Variants in GREB1 observed in about 807,000 individuals in gnomAD.
GREB1 encodes the protein protein GREB1.
A neutral mutation model predicts 200.7 loss-of-function variants in GREB1; 106 were observed. The observed-to-expected ratio is 0.53, with a 90% CI of 0.45 to 0.62. The LOEUF is 0.62. Among genes scored for constraint, GREB1 ranks in the 20% least tolerant of loss-of-function variants. GREB1 has a pLI of 0.00. For synonymous variants in GREB1, 1,132 were observed against 1,092.4 expected (o/e 1.04, Z -0.72); for missense variants, 2,243 against 2,556.8 (o/e 0.88, Z 2.65).
intron 1 of GREB1, among the ~76,000 whole-genome samples, chr2:11,526,657 G>A (rs10929752): frequency 0.06 from 9,087 of 151,504 alleles, 332 homozygotes; most frequent in East Asian, 0.14. Context: ...CCAGGTTCAA[G>A]TGATTCTCCT....
intron 19 of GREB1, among the ~76,000 whole-genome samples, chr2:11,614,861 T>C (rs767862024): frequency 8.5e-5 from 13 of 152,210 alleles, no homozygotes; most frequent in Non-Finnish European, 1.6e-4. Context: ...ACCCAAAAGT[T>C]AGTGCAGCAC....
In GREB1 at chr2:11,596,775, G is replaced by A. The variant is rs1272085375; in HGVS notation, c.1954+536G>A. Among the ~76,000 whole-genome samples, 6 of 130,376 alleles carry A rather than the reference G, an allele frequency of 4.6e-5. No homozygotes were observed. In the East Asian group the frequency reaches 1.4e-3, roughly 31 times the overall value. The allele number at this position is 130,376 out of a possible 152,430, so 85.5% of individuals were successfully genotyped here. ...GTGGGGGCGCAGGTGTACACAGTGA[G>A]GGGGGTGGGGCACTGGTGTGTAAAG... On this transcript the variant is annotated intron_variant, in intron 13 of 32. Transcript: ENST00000381486.
intron 1 of GREB1, among the ~76,000 whole-genome samples, chr2:11,494,110 G>T (rs1372194679): frequency 6.6e-6 from 1 of 152,244 alleles, no homozygotes; most frequent in Admixed American, 6.5e-5. Flanking sequence ...CTAAGGACTT[G>T]CCCAGGGTTG....
intron 1 of GREB1, among the ~76,000 whole-genome samples, chr2:11,554,129 G>A (rs1676204136): frequency 6.6e-6 from 1 of 152,116 alleles, no homozygotes; most frequent in African/African-American, 2.4e-5. Flanking sequence ...GCAGACAAGA[G>A]GACCCTGCAA....
At chr2:11,621,562 C>A (rs1684017021) in intron 23 of GREB1, among the ~76,000 whole-genome samples, 1 of 152,178 alleles carries the variant, frequency 6.6e-6, no homozygotes, top group Non-Finnish European at 1.5e-5. Context: ...TTGAGCACCC[C>A]TTTTGTGCTC....
At chr2:11,571,343 G>A (rs1329761167) in intron 4 of GREB1, among the ~76,000 whole-genome samples, 1 of 152,134 alleles carries the variant, frequency 6.6e-6, no homozygotes, top group South Asian at 2.1e-4. Context: ...CACTTGCCAG[G>A]ATGTCTTCCT....
chr2:11,501,585 C>G (rs10183402), intron 1 of GREB1, among the ~76,000 whole-genome samples: 149,213 of 152,140 alleles, frequency 0.98, 73,204 homozygotes, highest in South Asian at 1. Context: ...GTAGAGACGG[C>G]GTTTCACTTT....
intron 21 of GREB1, among the ~76,000 whole-genome samples, chr2:11,617,021 G>A (rs1683464388): frequency 6.6e-6 from 1 of 152,210 alleles, no homozygotes; most frequent in Non-Finnish European, 1.5e-5. Context: ...GCCGTGTTAG[G>A]GGCGGGTCCC....
chr2:11,506,993 T>A (rs375500840), intron 1 of GREB1, among the ~76,000 whole-genome samples: 1 of 152,130 alleles, frequency 6.6e-6, no homozygotes, highest in Non-Finnish European at 1.5e-5. Flanking sequence ...GATTTTGATA[T>A]AGAATTACAA....
intron 9 of GREB1, chr2:11,588,337 G>C: frequency 9.1e-7 from 1 of 1,094,396 alleles, no homozygotes; most frequent in South Asian, 2.1e-5. Context: ...CTCCCTGCTT[G>C]GAGTCAGGGA....
intron 1 of GREB1, among the ~76,000 whole-genome samples, chr2:11,491,274 A>T (rs907390283): frequency 1.3e-5 from 2 of 152,206 alleles, no homozygotes; most frequent in Non-Finnish European, 2.9e-5. Context: ...TACTGTTTTC[A>T]TGATTTAGAA....
intron 1 of GREB1, among the ~76,000 whole-genome samples, chr2:11,502,219 C>CTTT (rs1202858524): frequency 1.6e-5 from 2 of 129,030 alleles, no homozygotes; most frequent in Non-Finnish European, 1.7e-5. Flanking sequence ...GCCTGGCCCT[C>CTTT]TTTTTTTTTT....
intron 1 of GREB1, among the ~76,000 whole-genome samples, chr2:11,508,936 G>A (rs1345677747): frequency 6.7e-6 from 1 of 148,570 alleles, no homozygotes; most frequent in Non-Finnish European, 1.5e-5. Context: ...GTGCAGTGGC[G>A]CGATCTCGGC....
At chr2:11,504,374 G>A (rs1226196251) in intron 1 of GREB1, among the ~76,000 whole-genome samples, 1 of 152,194 alleles carries the variant, frequency 6.6e-6, no homozygotes, top group African/African-American at 2.4e-5. Context: ...CTGTGGATGA[G>A]GGTCTTCAAA....
rs1680028289 is a variant in GREB1 at position 11,585,825 on chromosome 2, C to T, written c.1079C>T (p.Pro360Leu). ...GTGGGACCAGCTTCAGTCACCTTTCCAGTGGTGGCCTCTGGAGAACCAGTG... is the reference window on the plus strand; with the variant it reads ...GTGGGACCAGCTTCAGTCACCTTTCTAGTGGTGGCCTCTGGAGAACCAGTG... Reference protein sequence around the residue: ...GLVGPASVTFPVVASGEPVSV... With the variant: ...GLVGPASVTFLVVASGEPVSV... Residue 360 changes from proline to leucine, a missense_variant, in exon 9 of 33, where the codon CCA becomes CTA. Pro to Leu is a moderately conservative substitution (Grantham distance 98). Transcript: ENST00000381486. 3.1e-6 allele frequency: 5 copies of T among 1,613,738 alleles called. No homozygotes were observed. The South Asian group carries it at 3.3e-5, about 11-fold the overall frequency.
At chr2:11,489,000 C>CCATA (rs1207497533) in intron 1 of GREB1, among the ~76,000 whole-genome samples, 2 of 151,948 alleles carry the variant, frequency 1.3e-5, no homozygotes, top group African/African-American at 4.8e-5. Flanking sequence ...TTTTGGTCAC[C>CCATA]CTTGTATCCC....
intron 1 of GREB1, among the ~76,000 whole-genome samples, chr2:11,554,274 A>G (rs540128611): frequency 1.1e-4 from 17 of 152,296 alleles, no homozygotes; most frequent in African/African-American, 3.8e-4. Flanking sequence ...GAGGCTGACC[A>G]AGGGGCCCTG....
chr2:11,557,204 A>G (rs1395842678), intron 2 of GREB1, among the ~76,000 whole-genome samples: 1 of 152,228 alleles, frequency 6.6e-6, no homozygotes, highest in Non-Finnish European at 1.5e-5. Context: ...AACCAAAAGC[A>G]AACATTATAA....
At position 11,598,852 on chromosome 2, in the gene GREB1, T is replaced by C. The variant is rs745581539; in HGVS notation, c.2325T>C (p.Asp775=). Reference sequence around the variant, plus strand: ...TAATCCATGACCATGCGCACTGGGATCTTGTGAGGTTAGATTGACTTGATA... The same window carrying C: ...TAATCCATGACCATGCGCACTGGGACCTTGTGAGGTTAGATTGACTTGATA... ...FVLIHDHAHW[D]LVSSTVHNLY... Residue 775 remains aspartate, a synonymous_variant, in exon 15 of 33, where the codon GAT becomes GAC. Coordinates refer to ENST00000381486, the MANE Select transcript of GREB1 (RefSeq NM_014668.4). The C allele has an allele frequency of 6.2e-6, 10 of 1,613,366 alleles. No homozygotes were observed. The Admixed American group carries it at 6.7e-5, about 11-fold the overall frequency.
Sources: allele counts gnomAD v4.1 joint callset (sites outside exome capture counted in the v4.1 genomes callset), GRCh38; gene constraint gnomAD v4.1.1; transcripts MANE v1.5; gene names NCBI Gene and HGNC (gene_info 2026-07-23, HGNC 2026-07-21).